Variants in DACH1 observed in about 807,000 individuals in gnomAD.
The protein encoded by DACH1 is dachshund family transcription factor 1, also known as dachshund homolog 1.
DACH1 carries 12 observed loss-of-function variants against 54.2 expected under a neutral mutation model. That is an observed-to-expected ratio of 0.22 (90% CI 0.14 to 0.36). The LOEUF (loss-of-function observed/expected upper bound fraction) is 0.36. Ranked by LOEUF, DACH1 falls within the 10% of genes least tolerant of loss-of-function variation. DACH1 has a pLI of 1.00. For missense variants in DACH1, 805 were observed against 929.8 expected (o/e 0.87, Z 1.75); for synonymous variants, 386 against 366.2 (o/e 1.05, Z -0.62).
At chr13:71,464,999 T>C (rs768531532) in intron 10 of DACH1, among the ~76,000 whole-genome samples, 1 of 152,086 alleles carries the variant, frequency 6.6e-6, no homozygotes, top group Non-Finnish European at 1.5e-5. Flanking sequence ...TAGAAATAAT[T>C]AGTTCTCCAA....
intron 3 of DACH1, among the ~76,000 whole-genome samples, chr13:71,620,094 A>C (rs61957853): frequency 0.027 from 4,055 of 152,058 alleles, 77 homozygotes; most frequent in Middle Eastern, 0.092. Context: ...GTTTAACTTT[A>C]ATATTTTTAT....
intron 1 of DACH1, among the ~76,000 whole-genome samples, chr13:71,740,608 TC>T (rs1884339828): frequency 6.6e-6 from 1 of 152,148 alleles, no homozygotes; most frequent in East Asian, 1.9e-4. Flanking sequence ...AATTGGAGGA[TC>T]AACTGTCAGA....
chr13:71,659,731 A>T (rs1320973800), intron 2 of DACH1, among the ~76,000 whole-genome samples: 10 of 152,184 alleles, frequency 6.6e-5, no homozygotes, highest in Admixed American at 6.5e-4. Flanking sequence ...CAACATAAAA[A>T]GCAACTGTGA....
intron 1 of DACH1, among the ~76,000 whole-genome samples, chr13:71,757,149 T>C (rs1352681753): frequency 6.6e-6 from 1 of 152,222 alleles, no homozygotes; most frequent in Non-Finnish European, 1.5e-5. Flanking sequence ...GAATAATTAA[T>C]ATTATGCCTC....
intron 10 of DACH1, among the ~76,000 whole-genome samples, chr13:71,446,498 C>T (rs1003876260): frequency 1.3e-5 from 2 of 151,812 alleles, no homozygotes; most frequent in Non-Finnish European, 2.9e-5. Flanking sequence ...GAAAATAATG[C>T]CTCTTACAAA....
At chr13:71,639,244 T>C (rs919195176) in intron 2 of DACH1, among the ~76,000 whole-genome samples, 1 of 152,190 alleles carries the variant, frequency 6.6e-6, no homozygotes, top group Non-Finnish European at 1.5e-5. Flanking sequence ...GAAACATGCA[T>C]GTCTTCACTC....
chr13:71,863,156 C>G (rs555073983), intron 1 of DACH1, among the ~76,000 whole-genome samples: 2 of 152,076 alleles, frequency 1.3e-5, no homozygotes, highest in African/African-American at 4.8e-5. Flanking sequence ...CAAAACATTT[C>G]AAAGCTTTCA....
intron 3 of DACH1, among the ~76,000 whole-genome samples, chr13:71,577,474 A>G (rs1046051680): frequency 2.0e-5 from 3 of 152,228 alleles, no homozygotes; most frequent in African/African-American, 4.8e-5. Context: ...AGTGTGGTCC[A>G]TTCTTAGAAA....
rs547830842 is a variant in DACH1, at chr13:71,764,058, T to A, written c.849-82148A>T. 1.4e-4 allele frequency among the ~76,000 whole-genome samples: 21 copies of A among 152,308 alleles called. No individual in the cohort carries two copies. In the South Asian group the frequency reaches 3.5e-3, roughly 26 times the overall value. On this transcript the variant is annotated intron_variant, in intron 1 of 10. Coordinates refer to ENST00000613252, the MANE Select transcript of DACH1 (RefSeq NM_080759.6). ...AATATCAGGGTTTATGACACTAAAA[T>A]ATGGGTGATATAAGAAAGAATATCA...
intron 6 of DACH1, among the ~76,000 whole-genome samples, chr13:71,500,662 TTTC>T (rs751113862): frequency 2.0e-4 from 30 of 152,200 alleles, no homozygotes; most frequent in Admixed American, 5.9e-4. Flanking sequence ...AAGATTCTCA[TTTC>T]TTTTCTCATT....
At chr13:71,617,788 A>G (rs1478819070) in intron 3 of DACH1, among the ~76,000 whole-genome samples, 1 of 152,192 alleles carries the variant, frequency 6.6e-6, no homozygotes, top group Non-Finnish European at 1.5e-5. Flanking sequence ...TCACGGACGT[A>G]GGCTTGGCAT....
chr13:71,499,397 C>T (rs9592797), intron 6 of DACH1, among the ~76,000 whole-genome samples: 1 of 152,158 alleles, frequency 6.6e-6, no homozygotes, highest in Non-Finnish European at 1.5e-5. Flanking sequence ...TTTTGCATAT[C>T]TGCACAGTAG....
chr13:71,704,587 C>A, intron 1 of DACH1: 1 of 474,000 alleles, frequency 2.1e-6, no homozygotes, highest in South Asian at 1.7e-5. Context: ...CAGAGAAGCA[C>A]ACTTTATGAG....
chr13:71,494,915 A>G (rs2138216799), intron 6 of DACH1, among the ~76,000 whole-genome samples: 1 of 152,168 alleles, frequency 6.6e-6, no homozygotes, highest in East Asian at 1.9e-4. Context: ...TATCACACAT[A>G]ACAATTTAGC....
intron 1 of DACH1, among the ~76,000 whole-genome samples, chr13:71,717,504 TCACACACACACACACA>T (rs3221998): frequency 7.0e-6 from 1 of 142,886 alleles, no homozygotes; most frequent in Non-Finnish European, 1.5e-5. Context: ...GTGTGTGTAA[TCACACACACACACACA>T]CACACACACA....
At chr13:71,534,033 C>T (rs935827260) in intron 6 of DACH1, among the ~76,000 whole-genome samples, 1 of 152,020 alleles carries the variant, frequency 6.6e-6, no homozygotes, top group African/African-American at 2.4e-5. Flanking sequence ...CTCGTGATAA[C>T]TGCCTTTACA....
chr13:71,592,667 T>C lies in DACH1; in HGVS notation c.1127-19655A>G, dbSNP rs138570027. 1.2e-3 allele frequency among the ~76,000 whole-genome samples: 183 copies of C among 152,114 alleles called. 2 individuals carry two copies. In the East Asian group the frequency reaches 0.028, roughly 23 times the overall value. ...GATTTCAATACCGAAAAATAGCTAA[T>C]ACAGTATGAGCATTACAAGTAAAAG... On this transcript the variant is annotated intron_variant, in intron 3 of 10. Transcript: ENST00000613252.
At chr13:71,641,939 T>TA (rs1260380993) in intron 2 of DACH1, among the ~76,000 whole-genome samples, 1 of 152,200 alleles carries the variant, frequency 6.6e-6, no homozygotes, top group African/African-American at 2.4e-5. Flanking sequence ...CAGGAAGAAT[T>TA]ACCAATGTGC....
At chr13:71,545,512 A>T (rs1462853497) in intron 6 of DACH1, among the ~76,000 whole-genome samples, 2 of 150,564 alleles carry the variant, frequency 1.3e-5, no homozygotes, top group African/African-American at 4.9e-5. Flanking sequence ...AGAAAGAAAG[A>T]AGAAAAGAAG....
Sources: gnomAD v4.1 joint callset for allele counts (sites outside exome capture counted in the v4.1 genomes callset) on GRCh38, gnomAD v4.1.1 for gene constraint, MANE v1.5 for transcripts, NCBI Gene and HGNC (gene_info 2026-07-23, HGNC 2026-07-21) for gene names.